PTPN5: variants seen among roughly 807,000 people sequenced by gnomAD.
The protein encoded by PTPN5 is tyrosine-protein phosphatase non-receptor type 5.
In PTPN5, 29 loss-of-function variants were observed where a neutral mutation model predicts 73.9. The observed-to-expected ratio is 0.39, with a 90% confidence interval of 0.29 to 0.54. The LOEUF is 0.54. Among genes scored for constraint, PTPN5 ranks in the 20% least tolerant of loss-of-function variants. The pLI is 0.65. For synonymous variants in PTPN5, 267 were observed against 304.7 expected, an observed-to-expected ratio of 0.88 and a Z score of 1.29; for missense variants, 652 against 751.4, an observed-to-expected ratio of 0.87 and a Z score of 1.55.
At chr11:18,737,804 G>C (rs770857504) in intron 9 of PTPN5, 76 bp downstream of exon 9, 1 of 1,307,188 alleles carries the variant, frequency 7.7e-7, no homozygotes. Context: ...GCCCAGCTGA[G>C]GGTCCTCCTC....
At chr11:18,786,319 C>T (rs369864104) in intron 1 of PTPN5, among the ~76,000 whole-genome samples, 15 of 152,124 alleles carry the variant, frequency 9.9e-5, no homozygotes, top group Non-Finnish European at 1.8e-4. Context: ...TCTCCTGCCT[C>T]AGCCTCCTGA....
chr11:18,732,747 C>A, intron 11 of PTPN5, 45 bp from the exon 12 acceptor site: 1 of 1,494,648 alleles, frequency 6.7e-7, no homozygotes, highest in Non-Finnish European at 9.3e-7. Flanking sequence ...TGTTCCCTTC[C>A]CACAACTCTC....
chr11:18,743,924 T>A lies in PTPN5; in HGVS notation c.291+82A>T, dbSNP rs370105896. On this transcript the variant is annotated intron_variant, in intron 4 of 14. Transcript: ENST00000358540. The stretch of plus-strand genomic sequence containing the variant: ...GCCCCTTATCCTCCTGCCTTCCAGG[T>A]GGCCATCCTGGGGAGGAAGTGGGAG... 8 of 1,467,984 alleles carry A rather than the reference T, an allele frequency of 5.4e-6. No individual in the cohort carries two copies. The East Asian group carries it at 1.5e-4, about 28-fold the overall frequency. The allele number at this position is 1,467,984 out of a possible 1,614,324, so 90.9% of individuals were successfully genotyped here. A position where few individuals can be genotyped will look rare whatever the true frequency, so the allele number is the denominator to read the frequency against.
chr11:18,786,825 T>C (rs546043434), intron 1 of PTPN5, among the ~76,000 whole-genome samples: 44 of 152,218 alleles, frequency 2.9e-4, no homozygotes, highest in Non-Finnish European at 5.6e-4. Context: ...TTTATATGTC[T>C]ATAAATAATT....
At chr11:18,756,738 C>T (rs113045655) in intron 3 of PTPN5, among the ~76,000 whole-genome samples, 118 of 151,888 alleles carry the variant, frequency 7.8e-4, no homozygotes, top group African/African-American at 2.7e-3. Flanking sequence ...CCGGCTAACA[C>T]GGTGAAACCC....
intron 1 of PTPN5, among the ~76,000 whole-genome samples, chr11:18,777,305 A>G (rs368151975): frequency 2.8e-4 from 42 of 152,336 alleles, no homozygotes; most frequent in African/African-American, 9.4e-4. Flanking sequence ...CAGTTTCTTC[A>G]TCTGTGAAGC....
chr11:18,735,734 C>T (rs1369459977), intron 9 of PTPN5, among the ~76,000 whole-genome samples: 1 of 148,612 alleles, frequency 6.7e-6, no homozygotes, highest in African/African-American at 2.5e-5. Context: ...CACTGCACTC[C>T]AGCCTGGGCA....
At chr11:18,770,761 T>C (rs550897890) in intron 2 of PTPN5, among the ~76,000 whole-genome samples, 84 of 152,338 alleles carry the variant, frequency 5.5e-4, no homozygotes, top group African/African-American at 1.9e-3. Flanking sequence ...CGTTCGTATG[T>C]GTGAAGGTAA....
intron 11 of PTPN5, 129 bp from the exon 12 acceptor site, chr11:18,732,831 T>C: frequency 8.2e-6 from 6 of 734,558 alleles, no homozygotes; most frequent in Non-Finnish European, 1.4e-5. Context: ...TGGGTTCAAA[T>C]CTCAGCTGCA....
intron 1 of PTPN5, among the ~76,000 whole-genome samples, chr11:18,789,316 C>A (rs1341549259): frequency 6.6e-6 from 1 of 152,110 alleles, no homozygotes; most frequent in East Asian, 1.9e-4. Flanking sequence ...AATACGTGCT[C>A]CCACCCCACC....
chr11:18,766,334 G>C (rs1419906381), intron 2 of PTPN5, among the ~76,000 whole-genome samples: 3 of 152,180 alleles, frequency 2.0e-5, no homozygotes, highest in African/African-American at 7.2e-5. Flanking sequence ...CCAGGCTCAT[G>C]CTCTCGCTGT....
intron 2 of PTPN5, among the ~76,000 whole-genome samples, chr11:18,770,335 T>C (rs752821057): frequency 1.6e-4 from 25 of 152,240 alleles, no homozygotes; most frequent in Non-Finnish European, 3.4e-4. Flanking sequence ...AACGGCTTAT[T>C]TGCTTTCTGT....
intron 3 of PTPN5, among the ~76,000 whole-genome samples, chr11:18,750,246 C>A (rs993195807): frequency 1.3e-5 from 2 of 152,204 alleles, no homozygotes; most frequent in African/African-American, 4.8e-5. Flanking sequence ...AGGCGCTGCT[C>A]TTACCTCCAT....
chr11:18,789,522 G>C (rs1021645010), intron 1 of PTPN5, among the ~76,000 whole-genome samples: 4 of 152,302 alleles, frequency 2.6e-5, no homozygotes, highest in Middle Eastern at 3.4e-3. Context: ...TATGAAGTCT[G>C]TGTAAACTTC....
Position 18,733,635 on chromosome 11 carries a change from T to C in PTPN5, c.1001A>G (p.Asn334Ser), listed in dbSNP as rs781452575. The C allele has an allele frequency of 6.2e-7, 1 of 1,614,028 alleles. No individual in the cohort carries two copies. The highest frequency in any genetic ancestry group is 1.1e-5 in the South Asian group (1 of 91,062). The stretch of plus-strand genomic sequence containing the variant: ...GGTCAGACACACTCTGCTGTGAGGG[T>C]CTGGGGTGGTGGGAGACAAGTAAGG... ...RKNRYKTILP[N>S]PHSRVCLTSP... The change falls in exon 10 of 15, where the codon AAC becomes AGC. Residue 334 changes from asparagine to serine, a missense_variant and splice_region_variant. Transcript: ENST00000358540. The surrounding 1 kb of genome is among the most constrained non-coding windows in gnomAD (Gnocchi z 4.3).
intron 9 of PTPN5, among the ~76,000 whole-genome samples, chr11:18,736,005 C>T (rs1849096766): frequency 6.6e-6 from 1 of 152,144 alleles, no homozygotes; most frequent in South Asian, 2.1e-4. Flanking sequence ...CCAGGGGGCA[C>T]TTATGTCAAT....
intron 2 of PTPN5, among the ~76,000 whole-genome samples, chr11:18,770,662 T>C (rs900873702): frequency 6.6e-6 from 1 of 152,258 alleles, no homozygotes; most frequent in Non-Finnish European, 1.5e-5. Flanking sequence ...CAATCCTTTC[T>C]GCGCTCTGGG....
intron 1 of PTPN5, among the ~76,000 whole-genome samples, chr11:18,787,683 A>G (rs1029064666): frequency 2.6e-5 from 4 of 151,984 alleles, no homozygotes; most frequent in Non-Finnish European, 5.9e-5. Context: ...CACCTCCTCA[A>G]AGACAATTCT....
intron 3 of PTPN5, 144 bp from the exon 4 acceptor site, chr11:18,744,343 C>T: frequency 1.7e-6 from 1 of 583,524 alleles, no homozygotes; most frequent in Non-Finnish European, 2.7e-6. Flanking sequence ...CCTCGATTAG[C>T]AAAGCAATAT....
Sources: gnomAD v4.1 joint callset for allele counts (sites outside exome capture counted in the v4.1 genomes callset) on GRCh38, gnomAD v4.1.1 for gene constraint, Gnocchi (gnomAD v3.1) non-coding constraint, MANE v1.5 for transcripts, NCBI Gene and HGNC (gene_info 2026-07-23, HGNC 2026-07-21) for gene names.